The following PPP2R1B variants were observed in gnomAD, a reference collection of about 807,000 sequenced individuals.
The protein encoded by PPP2R1B is protein phosphatase 2 scaffold subunit Abeta.
PPP2R1B carries 58 observed loss-of-function variants against 72.7 expected under a neutral mutation model. The ratio of observed to expected loss-of-function variants is 0.80; its 90% CI spans 0.65 to 0.99. The LOEUF is 0.99. Among genes scored for constraint, PPP2R1B ranks in the 50% least tolerant of loss-of-function variants. PPP2R1B has a pLI of 0.00. For missense variants in PPP2R1B, 695 were observed against 733.6 expected (o/e 0.95, Z 0.61); for synonymous variants, 256 against 264.6 (o/e 0.97, Z 0.32).
chr11:111,731,175 G>A (rs1055343080), intron 15 of PPP2R1B, among the ~76,000 whole-genome samples: 4 of 152,236 alleles, frequency 2.6e-5, no homozygotes, highest in Non-Finnish European at 4.4e-5. Context: ...AGGGCAAAGC[G>A]CATCAGCCCA....
At chr11:111,753,380 TA>T (rs1181762819) in intron 9 of PPP2R1B, 62 bp downstream of exon 9, 41 of 1,563,182 alleles carry the variant, frequency 2.6e-5, no homozygotes, top group Non-Finnish European at 3.4e-5. Context: ...AATGAAACCC[TA>T]AACCAAAATC....
the PPP2R1B span, chr11:111,720,799 C>A: frequency 6.4e-7 from 1 of 1,570,598 alleles, no homozygotes. Context: ...AAACTCGCGT[C>A]GTAGGAGAGC....
chr11:111,743,616 G>A (rs1944602910), intron 11 of PPP2R1B, 86 bp from the exon 12 acceptor site: 2 of 1,476,976 alleles, frequency 1.4e-6, no homozygotes, highest in Non-Finnish European at 1.8e-6. Flanking sequence ...ATCAAATGTG[G>A]ACCAAAAGCA....
At chr11:111,731,774 T>C (rs1053577307) in intron 15 of PPP2R1B, among the ~76,000 whole-genome samples, 1 of 152,250 alleles carries the variant, frequency 6.6e-6, no homozygotes, top group Non-Finnish European at 1.5e-5. Flanking sequence ...AGTTCTGCCT[T>C]AAACTGGTGG....
intron 5 of PPP2R1B, 61 bp downstream of exon 5, chr11:111,759,743 T>C: frequency 6.7e-7 from 1 of 1,489,020 alleles, no homozygotes. Flanking sequence ...CCCAAAGAAA[T>C]TCTGAAAATT....
At chr11:111,689,934 A>G in the PPP2R1B span, among the ~76,000 whole-genome samples, 1 of 152,054 alleles carries the variant, frequency 6.6e-6, no homozygotes, top group Non-Finnish European at 1.5e-5. Flanking sequence ...TGAATAAGAC[A>G]AAATGTTTTT....
chr11:111,737,640 T>A, downstream of PPP2R1B: 2 of 1,600,764 alleles, frequency 1.2e-6, no homozygotes, highest in African/African-American at 2.7e-5. Flanking sequence ...CACCTGTGCT[T>A]CCCAGCCAGG....
chr11:111,756,686 C>T (rs1464581447), intron 5 of PPP2R1B, among the ~76,000 whole-genome samples: 3 of 152,176 alleles, frequency 2.0e-5, no homozygotes, highest in Non-Finnish European at 4.4e-5. Flanking sequence ...GACAGAATAA[C>T]TTTGAGGAAG....
the PPP2R1B span, among the ~76,000 whole-genome samples, chr11:111,716,818 C>G: frequency 2.0e-5 from 3 of 151,944 alleles, no homozygotes; most frequent in Admixed American, 6.6e-5. Context: ...AAAAAAGAAC[C>G]TGCATGAAAA....
At chr11:111,723,833 C>A (rs45586732), downstream of PPP2R1B, 2 of 1,613,732 alleles carry the variant, frequency 1.2e-6, no homozygotes, top group South Asian at 2.2e-5. Flanking sequence ...GCCACCACCC[C>A]CTCCACCACC....
the PPP2R1B span, chr11:111,705,188 A>G: frequency 5.4e-6 from 8 of 1,471,722 alleles, no homozygotes; most frequent in Non-Finnish European, 7.2e-6. The surrounding 1 kb of genome is among the most constrained non-coding windows in gnomAD (Gnocchi z 4.3). Context: ...GCCTGTTCAC[A>G]TGTTTGATAC....
the PPP2R1B span, among the ~76,000 whole-genome samples, chr11:111,700,307 A>G: frequency 6.6e-6 from 1 of 152,190 alleles, no homozygotes; most frequent in Non-Finnish European, 1.5e-5. Context: ...TGGCTGGGCT[A>G]TGTGGCCATC....
chr11:111,760,077 G>A, intron 4 of PPP2R1B, 126 bp from the exon 5 acceptor site: 1 of 1,050,282 alleles, frequency 9.5e-7, no homozygotes, highest in South Asian at 2.0e-5. Flanking sequence ...TCTACTTATA[G>A]AAGTAACAAA....
At chr11:111,695,388 T>TTTC in the PPP2R1B span, among the ~76,000 whole-genome samples, 2 of 152,190 alleles carry the variant, frequency 1.3e-5, no homozygotes, top group African/African-American at 4.8e-5. Context: ...GAAGATTGGT[T>TTTC]TTCAATGTTT....
chr11:111,765,034 C>T, intron 2 of PPP2R1B, 129 bp from the exon 3 acceptor site: 1 of 1,435,318 alleles, frequency 7.0e-7, no homozygotes, highest in Non-Finnish European at 9.2e-7. Context: ...ACAGCATTTT[C>T]TTTCTTCTCA....
chr11:111,702,837 A>C, the PPP2R1B span, among the ~76,000 whole-genome samples: 2 of 152,196 alleles, frequency 1.3e-5, no homozygotes, highest in African/African-American at 2.4e-5. Flanking sequence ...GCCTTAGTAT[A>C]TCAGCATTAG....
chr11:111,715,422 G>A, the PPP2R1B span, among the ~76,000 whole-genome samples: 9 of 152,202 alleles, frequency 5.9e-5, no homozygotes, highest in Admixed American at 5.2e-4. Context: ...CTTCATTGCT[G>A]CATGTATTGA....
downstream of PPP2R1B, chr11:111,722,783 G>C (rs1943842221): frequency 6.2e-7 from 1 of 1,604,938 alleles, no homozygotes; most frequent in African/African-American, 1.3e-5. The surrounding 1 kb of genome is among the most constrained non-coding windows in gnomAD (Gnocchi z 4.4). Context: ...GGCCAAAGAA[G>C]TTGCTTCCTT....
Position 111,760,954 on chromosome 11 carries a change from G to C in PPP2R1B, c.404C>G (p.Ala135Gly). The change falls in exon 4 of 15, where the codon GCT becomes GGT. Residue 135 changes from alanine (A) to glycine (G), a missense_variant. Coordinates refer to ENST00000527614, the MANE Select transcript of PPP2R1B (RefSeq NM_002716.5). ...RQISQEHTPV[A>G]LEAYFVPLVK... Reference sequence around the variant, plus strand: ...CAGAGGTACAAAATAAGCTTCCAGAGCAACAGGAGTATGCTCCTGGGAGAT... The same window carrying C: ...CAGAGGTACAAAATAAGCTTCCAGACCAACAGGAGTATGCTCCTGGGAGAT... 3 of 1,614,186 alleles carry C rather than the reference G, an allele frequency of 1.9e-6. No homozygotes were observed. The highest frequency in any genetic ancestry group is 1.6e-4 in the Middle Eastern group (1 of 6,062).
Sources: allele counts gnomAD v4.1 joint callset (sites outside exome capture counted in the v4.1 genomes callset), GRCh38; gene constraint gnomAD v4.1.1; non-coding constraint Gnocchi (gnomAD v3.1); transcripts MANE v1.5; gene names NCBI Gene and HGNC (gene_info 2026-07-23, HGNC 2026-07-21).